Variants in NHEJ1 observed in about 807,000 individuals in gnomAD.
The protein encoded by NHEJ1 is non-homologous end joining factor 1.
In NHEJ1, 22 loss-of-function variants were observed where a neutral mutation model predicts 39.4. The observed-to-expected ratio is 0.56, with a 90% CI of 0.40 to 0.80. The LOEUF is 0.80. Ranked by LOEUF, NHEJ1 falls within the 30% of genes least tolerant of loss-of-function variation. NHEJ1 has a pLI of 0.00. For synonymous variants in NHEJ1, 154 were observed against 135.6 expected, an observed-to-expected ratio of 1.14 and a Z score of -0.94; for missense variants, 329 against 357.1, an observed-to-expected ratio of 0.92 and a Z score of 0.63.
chr2:219,144,238 T>C (rs1049369323), intron 5 of NHEJ1, among the ~76,000 whole-genome samples: 15 of 152,114 alleles, frequency 9.9e-5, no homozygotes, highest in African/African-American at 3.1e-4. Context: ...CCCCCTAGCA[T>C]AGACTTATCA....
intron 5 of NHEJ1, 126 bp from the exon 6 acceptor site, chr2:219,078,332 G>A: frequency 1.2e-6 from 1 of 833,998 alleles, no homozygotes; most frequent in African/African-American, 1.7e-5. Flanking sequence ...TCCAATAGGG[G>A]GCGACCATAT....
Position 219,111,624 on chromosome 2 carries a change from T to TATAGACACAC in NHEJ1, c.589-33419_589-33418insGTGTGTCTAT, listed in dbSNP as rs1427920547. ...ACCAGAATTAAGTCTACAGTGTGAATACAGACACACACACACACACACACA... is the reference window on the plus strand; with the variant it reads ...ACCAGAATTAAGTCTACAGTGTGAATATAGACACACACAGACACACACACACACACACACA... On this transcript the variant is annotated intron_variant, in intron 5 of 7. Transcript: ENST00000356853. This position sits in a 1 kb window ranked among gnomAD's most constrained non-coding sequence, Gnocchi z 4.1. Among the ~76,000 whole-genome samples, 1 of 54,462 alleles carries TATAGACACAC rather than the reference T, an allele frequency of 1.8e-5. No homozygotes were observed. The highest frequency in any genetic ancestry group is 4.2e-5 in the Non-Finnish European group (1 of 24,038). The allele number at this position is 54,462 out of a possible 152,430, so 35.7% of individuals were successfully genotyped here. A position where few individuals can be genotyped will look rare whatever the true frequency, so the allele number is the denominator to read the frequency against.
intron 5 of NHEJ1, among the ~76,000 whole-genome samples, chr2:219,080,803 C>T (rs1044293770): frequency 3.3e-5 from 5 of 151,478 alleles, no homozygotes; most frequent in African/African-American, 9.7e-5. Flanking sequence ...CTAGAAGAAC[C>T]CTGAGCTCAC....
intron 3 of NHEJ1, among the ~76,000 whole-genome samples, chr2:219,148,752 C>G (rs1004871372): frequency 2.6e-5 from 4 of 152,124 alleles, no homozygotes; most frequent in African/African-American, 9.7e-5. Flanking sequence ...TCATGATAGC[C>G]CAGAAGGACC....
At chr2:219,096,255 G>A (rs1387996278) in intron 5 of NHEJ1, among the ~76,000 whole-genome samples, 1 of 152,168 alleles carries the variant, frequency 6.6e-6, no homozygotes, top group Non-Finnish European at 1.5e-5. Flanking sequence ...AAAAAGAGTT[G>A]GCAATGACCT....
At chr2:219,129,343 G>GTA (rs1949554966) in intron 5 of NHEJ1, among the ~76,000 whole-genome samples, 1 of 152,210 alleles carries the variant, frequency 6.6e-6, no homozygotes, top group Non-Finnish European at 1.5e-5. Context: ...TATAAACAGA[G>GTA]TAAGAGTCTC....
Position 219,140,859 on chromosome 2 carries a change from T to A in NHEJ1, c.588+5821A>T, listed in dbSNP as rs556616938. Among the ~76,000 whole-genome samples, 243 of 152,314 alleles carry A rather than the reference T, an allele frequency of 1.6e-3. 2 individuals are homozygous for A. Among genetic ancestry groups the A allele is most frequent in the African/African-American group, 5.6e-3 (234 of 41,562 alleles). On this transcript the variant is annotated intron_variant, in intron 5 of 7. Coordinates refer to ENST00000356853, the MANE Select transcript of NHEJ1 (RefSeq NM_024782.3). ...ATAGTGGAATGCCAGAGGAGCAGGC[T>A]GAAGATGTCAAAAGGATCAAATCAT...
chr2:219,140,425 G>A (rs1949679497), intron 5 of NHEJ1, among the ~76,000 whole-genome samples: 1 of 152,208 alleles, frequency 6.6e-6, no homozygotes, highest in Non-Finnish European at 1.5e-5. Context: ...AGTAGCTGCA[G>A]GATACAAATA....
intron 5 of NHEJ1, among the ~76,000 whole-genome samples, chr2:219,088,290 G>T (rs1017585606): frequency 6.6e-6 from 1 of 152,260 alleles, no homozygotes; most frequent in African/African-American, 2.4e-5. Flanking sequence ...ATACAGAAGT[G>T]AAATGTTAAA....
At chr2:219,083,384 T>C (rs1443648768) in intron 5 of NHEJ1, among the ~76,000 whole-genome samples, 1 of 147,696 alleles carries the variant, frequency 6.8e-6, no homozygotes, top group African/African-American at 2.5e-5. Context: ...GAGGATAGTA[T>C]AAAGGTTTAA....
At chr2:219,078,732 A>G (rs1328888253) in intron 5 of NHEJ1, among the ~76,000 whole-genome samples, 2 of 152,120 alleles carry the variant, frequency 1.3e-5, no homozygotes, top group African/African-American at 4.8e-5. Flanking sequence ...GCCCCCGGCC[A>G]TTTTCCATTC....
At chr2:219,135,661 T>C (rs1949620597) in intron 5 of NHEJ1, among the ~76,000 whole-genome samples, 1 of 151,326 alleles carries the variant, frequency 6.6e-6, no homozygotes, top group South Asian at 2.1e-4. Context: ...AAATCAAATC[T>C]GAACCAAATG....
At chr2:219,084,067 T>G (rs980419520) in intron 5 of NHEJ1, among the ~76,000 whole-genome samples, 1 of 150,120 alleles carries the variant, frequency 6.7e-6, no homozygotes, top group African/African-American at 2.5e-5. Context: ...AGTGCAGTGG[T>G]ACAGTCTCCG....
intron 3 of NHEJ1, among the ~76,000 whole-genome samples, chr2:219,155,796 G>A (rs775474835): frequency 6.6e-6 from 1 of 151,498 alleles, no homozygotes; most frequent in African/African-American, 2.4e-5. Context: ...GTGGTGGTGT[G>A]CGCCTGTAGT....
chr2:219,106,775 A>G (rs1283212822), intron 5 of NHEJ1, among the ~76,000 whole-genome samples: 1 of 152,200 alleles, frequency 6.6e-6, no homozygotes, highest in African/African-American at 2.4e-5. Context: ...GCTCATCTTC[A>G]AGAGAAGATG....
intron 5 of NHEJ1, among the ~76,000 whole-genome samples, chr2:219,117,245 C>T (rs1442843389): frequency 6.6e-6 from 1 of 152,154 alleles, no homozygotes; most frequent in East Asian, 1.9e-4. Context: ...ATTTTACAAG[C>T]CTTCCACCAT....
chr2:219,094,356 T>C (rs1314872629), intron 5 of NHEJ1, among the ~76,000 whole-genome samples: 2 of 152,164 alleles, frequency 1.3e-5, no homozygotes, highest in South Asian at 2.1e-4. Context: ...CTGGCAGTAC[T>C]GTGGAAGCGG....
intron 5 of NHEJ1, among the ~76,000 whole-genome samples, chr2:219,113,959 C>T (rs1311361610): frequency 6.6e-6 from 1 of 152,198 alleles, no homozygotes; most frequent in African/African-American, 2.4e-5. Flanking sequence ...CCTCTTCCCA[C>T]AATATTCTCA....
intron 6 of NHEJ1, 127 bp from the exon 7 acceptor site, chr2:219,077,491 G>C (rs1018292705): frequency 1.7e-4 from 130 of 781,786 alleles, no homozygotes; most frequent in Non-Finnish European, 2.9e-5. Context: ...GACAGAAGTA[G>C]CCACAAGTCC....
Sources: allele counts gnomAD v4.1 joint callset (sites outside exome capture counted in the v4.1 genomes callset), GRCh38; gene constraint gnomAD v4.1.1; non-coding constraint Gnocchi (gnomAD v3.1); transcripts MANE v1.5; gene names NCBI Gene and HGNC (gene_info 2026-07-23, HGNC 2026-07-21).